CEP76: variants seen among roughly 807,000 people sequenced by gnomAD.
The protein encoded by CEP76 is centrosomal protein of 76 kDa.
Under a neutral mutation model 83.3 loss-of-function variants are expected in CEP76, and 55 were observed. That is an observed-to-expected ratio of 0.66 (90% CI 0.53 to 0.83). The LOEUF is 0.83. Ranked by LOEUF, CEP76 falls within the 40% of genes least tolerant of loss-of-function variation. The pLI is 0.00. For synonymous variants in CEP76, 270 were observed against 274.5 expected, an observed-to-expected ratio of 0.98 and a Z score of 0.16; for missense variants, 694 against 799.5, an observed-to-expected ratio of 0.87 and a Z score of 1.59.
chr18:12,678,540 T>A (rs1047673702), intron 9 of CEP76, 98 bp from the exon 10 acceptor site: 5 of 724,766 alleles, frequency 6.9e-6, no homozygotes, highest in South Asian at 2.1e-5. Flanking sequence ...CATAACTACT[T>A]CTCAGAACTA....
Position 12,678,447 on chromosome 18 carries a change from A to C in CEP76, c.1290-5T>G. On this transcript the variant is annotated splice_region_variant and splice_polypyrimidine_tract_variant and intron_variant, in intron 9 of 11. Transcript: ENST00000262127. The stretch of plus-strand genomic sequence containing the variant: ...TTGGTAGGTTTATGGATGTACCTAA[A>C]AAAATTAAATAATTTTATATATGAG... The C allele has an allele frequency of 6.4e-7, 1 of 1,554,742 alleles. No homozygotes were observed. The highest frequency in any genetic ancestry group is 8.7e-7 in the Non-Finnish European group (1 of 1,149,056).
chr18:12,693,640 G>A (rs1475461444), intron 6 of CEP76, among the ~76,000 whole-genome samples: 2 of 152,028 alleles, frequency 1.3e-5, no homozygotes, highest in Non-Finnish European at 2.9e-5. Context: ...AAAATTAGCT[G>A]GGCGTGGTGG....
chr18:12,702,411 G>C (rs112588451), intron 1 of CEP76, 75 bp downstream of exon 1: 2 of 1,166,634 alleles, frequency 1.7e-6, no homozygotes, highest in African/African-American at 3.1e-5. Context: ...TGCCGCTGTC[G>C]GCCCGGGGCC....
intron 12 of CEP76, among the ~76,000 whole-genome samples, chr18:12,663,642 A>G (rs1240814468): frequency 6.6e-6 from 1 of 152,254 alleles, no homozygotes; most frequent in Non-Finnish European, 1.5e-5. Flanking sequence ...GAGAATTATC[A>G]ATAAAATTTT....
intron 6 of CEP76, 86 bp from the exon 7 acceptor site, chr18:12,691,573 C>T (rs891914540): frequency 3.2e-6 from 3 of 942,550 alleles, no homozygotes; most frequent in African/African-American, 1.7e-5. Context: ...TACTTCTCTA[C>T]ATCATTACCA....
chr18:12,668,096 C>T (rs909382800), downstream of CEP76, among the ~76,000 whole-genome samples: 8 of 151,832 alleles, frequency 5.3e-5, no homozygotes, highest in African/African-American at 1.9e-4. Context: ...GAGACCCTGT[C>T]CCTACGAAAA....
intron 4 of CEP76, 113 bp from the exon 5 acceptor site, chr18:12,697,521 CAATTTG>C (rs2039998493): frequency 2.8e-6 from 2 of 720,482 alleles, no homozygotes; most frequent in Non-Finnish European, 4.3e-6. Flanking sequence ...CCAAAGAGAA[CAATTTG>C]CTAATGTCTC....
chr18:12,676,067 A>G (rs926180122), intron 10 of CEP76, among the ~76,000 whole-genome samples: 1 of 152,110 alleles, frequency 6.6e-6, no homozygotes, highest in Admixed American at 6.6e-5. Flanking sequence ...AAAATTCTAG[A>G]TATTTTGATT....
At chr18:12,677,968 T>G in intron 10 of CEP76, 141 bp downstream of exon 10, 1 of 621,640 alleles carries the variant, frequency 1.6e-6, no homozygotes, top group African/African-American at 1.8e-5. Context: ...ACTTTCAAAA[T>G]TATAAGCTTC....
chr18:12,699,072 G>C lies in CEP76; in HGVS notation c.427C>G (p.Arg143Gly). 1.2e-6 allele frequency: 2 copies of C among 1,614,006 alleles called. No individual in the cohort carries two copies. Among genetic ancestry groups the C allele is most frequent in the South Asian group, 1.1e-5 (1 of 91,078 alleles). Reference protein sequence around the residue: ...CSTFTLCLHYRNQRFRSKPVP... With the variant: ...CSTFTLCLHYGNQRFRSKPVP... ...GGTTTAGAACGAAAACGTTGGTTTC[G>C]ATAATGTAAACATAAAGTAAACGTT... The change falls in exon 4 of 12, where the codon CGA becomes GGA. Residue 143 changes from arginine (R) to glycine (G), a missense_variant. Arg to Gly is a moderately radical substitution (Grantham distance 125). Transcript: ENST00000262127.
intron 12 of CEP76, among the ~76,000 whole-genome samples, chr18:12,666,436 G>GTTTT (rs557490556): frequency 9.5e-5 from 12 of 126,624 alleles, no homozygotes; most frequent in South Asian, 7.7e-4. Flanking sequence ...AAATTTTATG[G>GTTTT]TTTTTTTTTT....
chr18:12,695,113 CCT>C, intron 6 of CEP76, 139 bp downstream of exon 6: 2 of 445,736 alleles, frequency 4.5e-6, no homozygotes, highest in South Asian at 9.9e-5. Context: ...TCTTCCTCAT[CCT>C]TTTTGTGAAC....
intron 5 of CEP76, among the ~76,000 whole-genome samples, chr18:12,696,276 G>A (rs1324574440): frequency 7.9e-5 from 12 of 152,202 alleles, no homozygotes; most frequent in Admixed American, 7.2e-4. Context: ...AGGCCGAGGC[G>A]GGCAGATCAC....
chr18:12,696,865 A>G (rs972648781), intron 5 of CEP76, among the ~76,000 whole-genome samples: 1 of 152,224 alleles, frequency 6.6e-6, no homozygotes, highest in African/African-American at 2.4e-5. Context: ...GATGTATTCC[A>G]GGGTGTGATG....
intron 8 of CEP76, chr18:12,685,442 C>T (rs556597455): frequency 3.9e-5 from 6 of 152,246 alleles, no homozygotes; most frequent in African/African-American, 1.4e-4. Flanking sequence ...TAGGTCCCTA[C>T]ATCACAGAAA....
rs1449497369 is a variant in CEP76, at chr18:12,700,888, C to T, written c.219+70G>A. On this transcript the variant is annotated intron_variant, in intron 2 of 11. Transcript: ENST00000262127. Reference sequence around the variant, plus strand: ...TAAAACGAAAGGCCCCACATCGGAACCTTATAAGTAGTGTTACGCATTAGT... The same window carrying T: ...TAAAACGAAAGGCCCCACATCGGAATCTTATAAGTAGTGTTACGCATTAGT... The T allele has an allele frequency of 7.7e-6, 10 of 1,296,480 alleles. No individual in the cohort carries two copies. The East Asian group carries it at 2.3e-4, about 30-fold the overall frequency. 80.3% of individuals were successfully genotyped at this position (1,296,480 alleles called of 1,614,324 possible).
At chr18:12,689,764 T>TTATA (rs146278847) in intron 7 of CEP76, among the ~76,000 whole-genome samples, 36 of 150,916 alleles carry the variant, frequency 2.4e-4, no homozygotes, top group Middle Eastern at 3.4e-3. Flanking sequence ...GGGAGCCAGT[T>TTATA]TATATATATA....
intron 10 of CEP76, among the ~76,000 whole-genome samples, chr18:12,676,682 T>C (rs956686987): frequency 3.3e-5 from 5 of 152,192 alleles, no homozygotes; most frequent in African/African-American, 4.8e-5. Flanking sequence ...TAAGGGGCAT[T>C]CATTTCCAGC....
At chr18:12,678,504 G>T in intron 9 of CEP76, 62 bp from the exon 10 acceptor site, 1 of 1,134,846 alleles carries the variant, frequency 8.8e-7, no homozygotes. Context: ...GCATCTTACT[G>T]AGAAAATTAT....
Sources: allele counts gnomAD v4.1 joint callset (sites outside exome capture counted in the v4.1 genomes callset), GRCh38; gene constraint gnomAD v4.1.1; transcripts MANE v1.5; gene names NCBI Gene and HGNC (gene_info 2026-07-23, HGNC 2026-07-21).